CNTNAP2: variants seen among roughly 807,000 people sequenced by gnomAD.
The protein encoded by CNTNAP2 is contactin associated protein 2, also known as contactin-associated protein-like 2.
Under a neutral mutation model 155.2 loss-of-function variants are expected in CNTNAP2, and 98 were observed. The observed-to-expected ratio is 0.63, with a 90% confidence interval of 0.54 to 0.75. CNTNAP2 has a LOEUF of 0.75. Among genes scored for constraint, CNTNAP2 ranks in the 30% least tolerant of loss-of-function variants. The pLI, the probability that CNTNAP2 is intolerant of heterozygous loss-of-function variation, is 0.00. For missense variants in CNTNAP2, 1,727 were observed against 1,688.1 expected (o/e 1.02, Z -0.40); for synonymous variants, 651 against 631.2 (o/e 1.03, Z -0.47).
intron 13 of CNTNAP2, among the ~76,000 whole-genome samples, chr7:147,828,909 A>G (rs1798503473): frequency 1.3e-5 from 2 of 152,170 alleles, no homozygotes; most frequent in Admixed American, 6.6e-5. Context: ...TAATGGTACT[A>G]TATTACTTAG....
At chr7:146,583,112 G>T (rs939945521) in intron 1 of CNTNAP2, among the ~76,000 whole-genome samples, 1 of 151,944 alleles carries the variant, frequency 6.6e-6, no homozygotes, top group Non-Finnish European at 1.5e-5. Context: ...TGTGGGAGCC[G>T]ACAGAGTCAC....
intron 3 of CNTNAP2, among the ~76,000 whole-genome samples, chr7:146,841,371 T>TG (rs1803719520): frequency 6.9e-5 from 5 of 72,152 alleles, no homozygotes; most frequent in Non-Finnish European, 5.6e-5. Flanking sequence ...GTAAGGGGGT[T>TG]GGGTGGGGGG....
intron 3 of CNTNAP2, among the ~76,000 whole-genome samples, chr7:146,915,258 T>C (rs937417809): frequency 3.3e-5 from 5 of 152,106 alleles, no homozygotes; most frequent in Admixed American, 6.6e-5. Context: ...TGCCTCTAGA[T>C]TTGTTATTTT....
At chr7:147,198,125 C>A (rs1052701386) in intron 8 of CNTNAP2, among the ~76,000 whole-genome samples, 1 of 150,926 alleles carries the variant, frequency 6.6e-6, no homozygotes, top group Admixed American at 6.6e-5. Flanking sequence ...CTATTTAAAA[C>A]GTTTATTTAT....
chr7:146,552,697 G>T (rs1453329115), intron 1 of CNTNAP2, among the ~76,000 whole-genome samples: 2 of 151,934 alleles, frequency 1.3e-5, no homozygotes, highest in Non-Finnish European at 2.9e-5. Context: ...GACCCCTCTT[G>T]GTTTGTGCCC....
chr7:148,054,252 G>A (rs950557592), intron 15 of CNTNAP2, among the ~76,000 whole-genome samples: 3 of 152,226 alleles, frequency 2.0e-5, no homozygotes, highest in East Asian at 1.9e-4. Context: ...GATTACAGGC[G>A]TGAGCCACTG....
In CNTNAP2 at chr7:147,386,767, T is replaced by C. The variant is rs550759674; in HGVS notation, c.1499-8842T>C. 3.3e-5 allele frequency among the ~76,000 whole-genome samples: 5 copies of C among 152,332 alleles called. No homozygotes were observed. In the East Asian group the frequency reaches 7.7e-4, roughly 24 times the overall value. ...CAACCTCTGCCGTCACCAGTTCCAA[T>C]GTTGCTTCCACATTTTCAGGATTCT... On this transcript the variant is annotated intron_variant, in intron 9 of 23. Transcript: ENST00000361727.
intron 4 of CNTNAP2, among the ~76,000 whole-genome samples, chr7:147,059,200 G>T (rs915070607): frequency 6.6e-6 from 1 of 152,190 alleles, no homozygotes. Flanking sequence ...GTTGTGCCTA[G>T]AGGGGCATAA....
At chr7:147,240,320 G>T (rs1025749080) in intron 8 of CNTNAP2, among the ~76,000 whole-genome samples, 1 of 152,116 alleles carries the variant, frequency 6.6e-6, no homozygotes, top group African/African-American at 2.4e-5. Context: ...TGGAGACCCT[G>T]TCTCTAATAA....
intron 1 of CNTNAP2, among the ~76,000 whole-genome samples, chr7:146,639,368 A>T (rs1799666057): frequency 6.6e-6 from 1 of 152,164 alleles, no homozygotes; most frequent in African/African-American, 2.4e-5. Context: ...CAAGGAACAC[A>T]CACCCCATGC....
chr7:147,168,698 C>T, intron 8 of CNTNAP2, among the ~76,000 whole-genome samples: 1 of 152,002 alleles, frequency 6.6e-6, no homozygotes, highest in East Asian at 1.9e-4. Flanking sequence ...TATACATGTT[C>T]TATACTTAAA....
chr7:148,364,257 A>G (rs1221914454), intron 21 of CNTNAP2, among the ~76,000 whole-genome samples: 1 of 152,240 alleles, frequency 6.6e-6, no homozygotes, highest in African/African-American at 2.4e-5. Flanking sequence ...CCACTAGGTG[A>G]AGCCAGCTGG....
chr7:148,111,088 C>A (rs1018645553), intron 15 of CNTNAP2, among the ~76,000 whole-genome samples: 4 of 152,132 alleles, frequency 2.6e-5, no homozygotes, highest in Non-Finnish European at 4.4e-5. Context: ...TCAAATCCAC[C>A]ACCATCCCAG....
intron 13 of CNTNAP2, among the ~76,000 whole-genome samples, chr7:147,707,312 G>T (rs1796330863): frequency 6.6e-6 from 1 of 152,200 alleles, no homozygotes; most frequent in Non-Finnish European, 1.5e-5. Context: ...GGTTTAGGTT[G>T]GGTAGGACAC....
intron 13 of CNTNAP2, among the ~76,000 whole-genome samples, chr7:147,824,777 G>A (rs908026700): frequency 6.6e-6 from 1 of 151,934 alleles, no homozygotes; most frequent in Non-Finnish European, 1.5e-5. Flanking sequence ...TATTTAAGAA[G>A]TAAGAGAAGT....
intron 15 of CNTNAP2, among the ~76,000 whole-genome samples, chr7:148,029,555 T>C (rs1802432698): frequency 1.3e-5 from 2 of 152,230 alleles, no homozygotes; most frequent in South Asian, 4.1e-4. Context: ...AATTTCTCTA[T>C]ATAAACACAT....
At chr7:146,352,244 TG>T (rs1217552958) in intron 1 of CNTNAP2, among the ~76,000 whole-genome samples, 4 of 152,212 alleles carry the variant, frequency 2.6e-5, no homozygotes, top group African/African-American at 4.8e-5. Flanking sequence ...TTAAAATTTT[TG>T]TATAAATATA....
chr7:148,175,278 G>A (rs1213541295), intron 18 of CNTNAP2, among the ~76,000 whole-genome samples: 9 of 152,040 alleles, frequency 5.9e-5, no homozygotes, highest in African/African-American at 1.7e-4. Flanking sequence ...GCACAATGAT[G>A]TATTTCCTCT....
At chr7:147,413,591 TA>T (rs1408870775) in intron 10 of CNTNAP2, among the ~76,000 whole-genome samples, 2 of 152,176 alleles carry the variant, frequency 1.3e-5, no homozygotes, top group Non-Finnish European at 2.9e-5. Flanking sequence ...AATAAATCAA[TA>T]TTTTTTTGAG....
Sources: allele counts gnomAD v4.1 joint callset (sites outside exome capture counted in the v4.1 genomes callset), GRCh38; gene constraint gnomAD v4.1.1; transcripts MANE v1.5; gene names NCBI Gene and HGNC (gene_info 2026-07-23, HGNC 2026-07-21).